PHTF1: variants seen among roughly 807,000 people sequenced by gnomAD.
PHTF1 encodes protein PHTF1.
Under a neutral mutation model 102.4 loss-of-function variants are expected in PHTF1, and 88 were observed. That is an observed-to-expected ratio of 0.86 (90% CI 0.72 to 1.03). The LOEUF is 1.03. Ranked by LOEUF, PHTF1 falls within the 50% of genes least tolerant of loss-of-function variation. The probability of loss-of-function intolerance (pLI) is 0.00; values close to 1 mark genes in which losing one functional copy is unlikely to be tolerated. For synonymous variants in PHTF1, 289 were observed against 305.2 expected (o/e 0.95, Z 0.55); for missense variants, 814 against 909.5 (o/e 0.89, Z 1.35).
chr1:113,740,356 C>T (rs1571219361), intron 3 of PHTF1, among the ~76,000 whole-genome samples: 1 of 152,030 alleles, frequency 6.6e-6, no homozygotes, highest in East Asian at 1.9e-4. Context: ...ACCTGTTTGC[C>T]ATCTGTATTG....
chr1:113,713,024 C>T (rs1001930508), intron 8 of PHTF1, among the ~76,000 whole-genome samples: 1 of 152,124 alleles, frequency 6.6e-6, no homozygotes. Flanking sequence ...ATCTCCTGAC[C>T]TCGTGATCCG....
At chr1:113,728,903 C>T (rs1270515027) in intron 5 of PHTF1, among the ~76,000 whole-genome samples, 1 of 152,136 alleles carries the variant, frequency 6.6e-6, no homozygotes, top group Non-Finnish European at 1.5e-5. Flanking sequence ...CAGAATGAGA[C>T]TCTGTCTCAA....
Position 113,759,153 on chromosome 1 carries a change from G to A in PHTF1, c.-161C>T, listed in dbSNP as rs571219482. ...TTCCCCTCCAGGCGGAGACGCCGGAGAGGCCGTTACCATGGAGACCGCGGA... is the reference window on the plus strand; with the variant it reads ...TTCCCCTCCAGGCGGAGACGCCGGAAAGGCCGTTACCATGGAGACCGCGGA... On this transcript the variant is annotated 5_prime_UTR_variant, in exon 1 of 19. Transcript: ENST00000369604. 4.0e-5 allele frequency: 37 copies of A among 919,278 alleles called. 2 individuals carry two copies. The South Asian group carries it at 1.7e-3, about 43-fold the overall frequency. The allele number at this position is 919,278 out of a possible 1,614,324, so 56.9% of individuals were successfully genotyped here. A position where few individuals can be genotyped will look rare whatever the true frequency, so the allele number is the denominator to read the frequency against.
Position 113,738,138 on chromosome 1 carries a change from A to T in PHTF1, c.303T>A (p.Val101=), listed in dbSNP as rs1286470226. ...GCATGAAATAAAGTAGTAACAGCCA[A>T]ACAAAGATTCTTAAAGAGGTAACCT... ...WIQVTSLRIF[V]WLLLLYFMQV... is the part of the protein sequence containing the mutation. The change falls in exon 5 of 19, where the codon GTT becomes GTA. Residue 101 remains valine (V), a synonymous_variant. Transcript: ENST00000369604. The T allele has an allele frequency of 1.2e-6, 2 of 1,612,398 alleles. No individual in the cohort carries two copies. Among genetic ancestry groups the T allele is most frequent in the Admixed American group, 3.3e-5 (2 of 59,968 alleles).
intron 7 of PHTF1, 133 bp from the exon 8 acceptor site, chr1:113,713,571 T>C: frequency 1.6e-6 from 1 of 614,638 alleles, no homozygotes; most frequent in Non-Finnish European, 2.8e-6. Context: ...TTCAGGACTT[T>C]AGCTTGCTAA....
chr1:113,712,221 G>C (rs926052036), intron 8 of PHTF1, 108 bp from the exon 9 acceptor site: 1 of 815,108 alleles, frequency 1.2e-6, no homozygotes, highest in Non-Finnish European at 1.9e-6. Context: ...AGCAGCAAAA[G>C]TAAACTAACC....
chr1:113,706,470 AAT>A (rs1477394299), intron 12 of PHTF1, 122 bp downstream of exon 12: 4 of 576,272 alleles, frequency 6.9e-6, no homozygotes, highest in African/African-American at 3.9e-5. Flanking sequence ...TATTATATAT[AAT>A]ATGATATATA....
At chr1:113,757,032 T>C (rs1658989698) in intron 3 of PHTF1, among the ~76,000 whole-genome samples, 1 of 151,846 alleles carries the variant, frequency 6.6e-6, no homozygotes, top group South Asian at 2.1e-4. Flanking sequence ...CCGGGCGTGG[T>C]GGTGGGCGCC....
intron 7 of PHTF1, among the ~76,000 whole-genome samples, chr1:113,721,665 G>A (rs976158778): frequency 2.6e-5 from 4 of 152,142 alleles, no homozygotes; most frequent in African/African-American, 7.2e-5. Flanking sequence ...TAAAGTTGCA[G>A]GATACAAAAT....
At chr1:113,701,701 T>C (rs911249444) in intron 15 of PHTF1, among the ~76,000 whole-genome samples, 48 of 152,052 alleles carry the variant, frequency 3.2e-4, no homozygotes, top group African/African-American at 1.2e-3. Context: ...TTGACTCATA[T>C]TAGCTTTGGC....
At chr1:113,729,431 T>C (rs1375170744) in intron 5 of PHTF1, among the ~76,000 whole-genome samples, 2 of 152,200 alleles carry the variant, frequency 1.3e-5, no homozygotes, top group Non-Finnish European at 2.9e-5. Context: ...ACACAAAGGA[T>C]AAATGCTTGA....
At chr1:113,700,070 A>G (rs574620456) in intron 16 of PHTF1, 2 of 1,110,568 alleles carry the variant, frequency 1.8e-6, no homozygotes, top group South Asian at 2.7e-5. Flanking sequence ...CTTGCAACAT[A>G]ACATAATTAG....
chr1:113,697,443 G>C lies in PHTF1; in HGVS notation c.*262C>G. On this transcript the variant is annotated 3_prime_UTR_variant, in exon 19 of 19. Transcript: ENST00000369604. Reference sequence around the variant, plus strand: ...AGCGCAAACTTACAAAATTGTCTTTGTGTTACCACAACACACACAGTCTTT... The same window carrying C: ...AGCGCAAACTTACAAAATTGTCTTTCTGTTACCACAACACACACAGTCTTT... The C allele has an allele frequency of 2.7e-6, 1 of 371,222 alleles. No individual in the cohort carries two copies. Among genetic ancestry groups the C allele is most frequent in the Non-Finnish European group, 4.9e-6 (1 of 203,438 alleles). 23.0% of individuals were successfully genotyped at this position (371,222 alleles called of 1,614,324 possible). A position where few individuals can be genotyped will look rare whatever the true frequency, so the allele number is the denominator to read the frequency against.
chr1:113,753,722 C>G (rs1410568796), intron 3 of PHTF1, among the ~76,000 whole-genome samples: 1 of 151,328 alleles, frequency 6.6e-6, no homozygotes, highest in Non-Finnish European at 1.5e-5. Flanking sequence ...CCGTGCCCAG[C>G]CTTTTTTTTT....
chr1:113,753,249 G>A (rs1053585805), intron 3 of PHTF1, among the ~76,000 whole-genome samples: 1 of 152,016 alleles, frequency 6.6e-6, no homozygotes, highest in African/African-American at 2.4e-5. Flanking sequence ...TAGGTTTCAG[G>A]GTAATACTAG....
intron 18 of PHTF1, 110 bp downstream of exon 18, chr1:113,698,152 A>AACAC (rs59861045): frequency 3.8e-4 from 210 of 549,760 alleles, no homozygotes; most frequent in African/African-American, 2.5e-3. Context: ...GCATGCTAGA[A>AACAC]ACACACACAC....
intron 3 of PHTF1, among the ~76,000 whole-genome samples, chr1:113,748,283 G>T (rs990304540): frequency 6.6e-6 from 1 of 151,700 alleles, no homozygotes; most frequent in African/African-American, 2.4e-5. Flanking sequence ...CCAACGAAAA[G>T]ATCCTTTTAA....
At chr1:113,724,997 C>T in intron 6 of PHTF1, 104 bp from the exon 7 acceptor site, 1 of 772,290 alleles carries the variant, frequency 1.3e-6, no homozygotes. Context: ...TACCTTAAAT[C>T]AAGTATAGTT....
chr1:113,731,950 TATC>T (rs902722832), intron 5 of PHTF1, among the ~76,000 whole-genome samples: 2 of 141,896 alleles, frequency 1.4e-5, no homozygotes, highest in African/African-American at 5.2e-5. Context: ...AGGAGAGCAA[TATC>T]ATATTTCTGT....
Sources: allele counts gnomAD v4.1 joint callset (sites outside exome capture counted in the v4.1 genomes callset), GRCh38; gene constraint gnomAD v4.1.1; transcripts MANE v1.5; gene names NCBI Gene and HGNC (gene_info 2026-07-23, HGNC 2026-07-21).